Variants in GRB10 observed in about 807,000 individuals in gnomAD.
The protein encoded by GRB10 is growth factor receptor bound protein 10.
GRB10 carries 20 observed loss-of-function variants against 80.9 expected under a neutral mutation model. The ratio of observed to expected loss-of-function variants is 0.25; its 90% CI spans 0.17 to 0.36. The LOEUF (loss-of-function observed/expected upper bound fraction) is 0.36, where lower values mean the gene tolerates loss of function less well. GRB10 is among the 10% of genes least tolerant of loss of function. GRB10 has a pLI of 1.00. For synonymous variants in GRB10, 291 were observed against 291.5 expected, an observed-to-expected ratio of 1.00 and a Z score of 0.02; for missense variants, 548 against 747.7, an observed-to-expected ratio of 0.73 and a Z score of 3.12.
intron 5 of GRB10, among the ~76,000 whole-genome samples, chr7:50,691,226 G>A (rs1357740246): frequency 6.6e-6 from 1 of 152,128 alleles, no homozygotes; most frequent in African/African-American, 2.4e-5. Context: ...GCCACTGAAC[G>A]ATCGAGGAAT....
chr7:50,734,177 C>T (rs1447536389), intron 3 of GRB10, among the ~76,000 whole-genome samples: 3 of 152,148 alleles, frequency 2.0e-5, no homozygotes, highest in African/African-American at 4.8e-5. Flanking sequence ...GCTGCCAGAT[C>T]GCAGGACCAT....
chr7:50,612,212 G>C lies in GRB10; in HGVS notation c.1194+529C>G, dbSNP rs535455474. ...CATGGCCCTGGCTTTTTGGGAACCT[G>C]AGAGTTGGTTCAGTCGTGAAAATAA... On this transcript the variant is annotated intron_variant, in intron 13 of 18. Transcript: ENST00000401949. Among the ~76,000 whole-genome samples, 108 of 152,280 alleles carry C rather than the reference G, an allele frequency of 7.1e-4. 1 individual carries two copies. The highest frequency in any genetic ancestry group is 2.5e-3 in the African/African-American group (104 of 41,538).
chr7:50,617,688 C>G (rs1193014899), intron 10 of GRB10, among the ~76,000 whole-genome samples: 1 of 152,164 alleles, frequency 6.6e-6, no homozygotes, highest in Admixed American at 6.5e-5. Context: ...GCAGAGATTT[C>G]CAAGCAGCTA....
chr7:50,767,852 A>C (rs11238315), intron 2 of GRB10, among the ~76,000 whole-genome samples: 1 of 151,944 alleles, frequency 6.6e-6, no homozygotes, highest in Non-Finnish European at 1.5e-5. Flanking sequence ...CCTGTGTTGC[A>C]ATCGAGAAGC....
At chr7:50,612,225 G>A (rs992295107) in intron 13 of GRB10, among the ~76,000 whole-genome samples, 1 of 152,176 alleles carries the variant, frequency 6.6e-6, no homozygotes, top group Non-Finnish European at 1.5e-5. Flanking sequence ...AGTTGGTTCA[G>A]TCGTGAAAAT....
At chr7:50,674,717 C>G in intron 5 of GRB10, 59 bp from the exon 6 acceptor site, 1 of 1,387,920 alleles carries the variant, frequency 7.2e-7, no homozygotes, top group Non-Finnish European at 1.0e-6. Flanking sequence ...CAATCAAACC[C>G]AAATGTACAT....
At chr7:50,670,843 T>A (rs749160337) in intron 6 of GRB10, among the ~76,000 whole-genome samples, 3 of 152,236 alleles carry the variant, frequency 2.0e-5, no homozygotes, top group Non-Finnish European at 4.4e-5. Context: ...GCTTCATGTA[T>A]CTGTCCTCGC....
chr7:50,595,158 C>T (rs1224126474), intron 18 of GRB10, among the ~76,000 whole-genome samples: 1 of 152,182 alleles, frequency 6.6e-6, no homozygotes, highest in Non-Finnish European at 1.5e-5. Flanking sequence ...CTTCCTGCGA[C>T]CTTGATCCTC....
chr7:50,672,136 A>G (rs2529410), intron 6 of GRB10, among the ~76,000 whole-genome samples: 85,822 of 152,036 alleles, frequency 0.56, 24,704 homozygotes, highest in African/African-American at 0.66. Context: ...TGCCCTTCCC[A>G]AGTGTCTCCT....
intron 7 of GRB10, among the ~76,000 whole-genome samples, chr7:50,653,303 G>A (rs1225848021): frequency 6.6e-6 from 1 of 152,196 alleles, no homozygotes; most frequent in Admixed American, 6.5e-5. Flanking sequence ...CTGTGCTGCA[G>A]CACCGCCCAT....
At chr7:50,734,632 G>C (rs986049263) in intron 3 of GRB10, among the ~76,000 whole-genome samples, 1 of 152,184 alleles carries the variant, frequency 6.6e-6, no homozygotes, top group Non-Finnish European at 1.5e-5. Flanking sequence ...TGTGTGTTAA[G>C]ACTGTCAAAA....
chr7:50,726,381 G>A (rs1189646102), intron 4 of GRB10, among the ~76,000 whole-genome samples: 1 of 152,092 alleles, frequency 6.6e-6, no homozygotes, highest in Non-Finnish European at 1.5e-5. Context: ...CTAGGTGACA[G>A]AGTGAGACTC....
chr7:50,728,899 G>A (rs1414696570), intron 4 of GRB10, among the ~76,000 whole-genome samples: 1 of 152,172 alleles, frequency 6.6e-6, no homozygotes, highest in African/African-American at 2.4e-5. Flanking sequence ...TCGAACTCCT[G>A]GCCTCAAGTG....
chr7:50,700,797 C>A (rs909512730), intron 5 of GRB10, among the ~76,000 whole-genome samples: 5 of 152,258 alleles, frequency 3.3e-5, no homozygotes, highest in Non-Finnish European at 7.4e-5. Context: ...ATGTTGACGT[C>A]TGATTTATTC....
At position 50,782,812 on chromosome 7, in the gene GRB10, T is replaced by C. The variant is rs1175359071; in HGVS notation, c.-715A>G. The stretch of plus-strand genomic sequence containing the variant: ...GGAGCCGGCTGCCGCCCGGCTGCAA[T>C]ACTCAGCCTCCGAGGGACTGGGCGC... On this transcript the variant is annotated 5_prime_UTR_variant, in exon 1 of 19. Coordinates refer to ENST00000401949, the MANE Select transcript of GRB10 (RefSeq NM_001350814.2). This position sits in a 1 kb window ranked among gnomAD's most constrained non-coding sequence, Gnocchi z 6.6. 1 of 152,008 alleles carries C rather than the reference T, an allele frequency of 6.6e-6. No individual in the cohort carries two copies. Among genetic ancestry groups the C allele is most frequent in the African/African-American group, 2.4e-5 (1 of 41,402 alleles). The allele number at this position is 152,008 out of a possible 1,614,324, so 9.4% of individuals were successfully genotyped here.
At chr7:50,693,404 C>T (rs986919751) in intron 5 of GRB10, among the ~76,000 whole-genome samples, 1 of 152,162 alleles carries the variant, frequency 6.6e-6, no homozygotes, top group Non-Finnish European at 1.5e-5. Flanking sequence ...GCACCAAATA[C>T]ATTGCTACAA....
intron 8 of GRB10, 95 bp downstream of exon 8, chr7:50,626,727 A>C: frequency 7.1e-7 from 1 of 1,401,418 alleles, no homozygotes; most frequent in Non-Finnish European, 1.0e-6. Context: ...CGCAGGGGAC[A>C]CTGCGGTCAC....
At chr7:50,776,411 A>G (rs1228568745) in intron 2 of GRB10, among the ~76,000 whole-genome samples, 2 of 151,682 alleles carry the variant, frequency 1.3e-5, no homozygotes, top group Non-Finnish European at 2.9e-5. Flanking sequence ...AGTAGAGATA[A>G]GGTCTCATTA....
chr7:50,697,068 G>A (rs778821762), intron 5 of GRB10, among the ~76,000 whole-genome samples: 7 of 152,232 alleles, frequency 4.6e-5, no homozygotes, highest in Non-Finnish European at 5.9e-5. Context: ...AGGACAAATA[G>A]TGTATGGTCC....
Sources: gnomAD v4.1 joint callset for allele counts (sites outside exome capture counted in the v4.1 genomes callset) on GRCh38, gnomAD v4.1.1 for gene constraint, Gnocchi (gnomAD v3.1) non-coding constraint, MANE v1.5 for transcripts, NCBI Gene and HGNC (gene_info 2026-07-23, HGNC 2026-07-21) for gene names.